Variants in ANKFN1 observed in about 807,000 individuals in gnomAD.
ANKFN1 encodes the protein ankyrin repeat and fibronectin type III domain containing 1, also known as ankyrin repeat and fibronectin type-III domain-containing protein 1.
ANKFN1 carries 74 observed loss-of-function variants against 108.7 expected under a neutral mutation model. The observed-to-expected ratio is 0.68, with a 90% CI of 0.56 to 0.83. ANKFN1 has a LOEUF of 0.83. Ranked by LOEUF, ANKFN1 falls within the 40% of genes least tolerant of loss-of-function variation. ANKFN1 has a pLI of 0.00. For missense variants in ANKFN1, 1,505 were observed against 1,382.3 expected (o/e 1.09, Z -1.41); for synonymous variants, 547 against 516.2 (o/e 1.06, Z -0.81).
chr17:56,510,633 C>A lies in ANKFN1; in HGVS notation c.2805C>A (p.Ser935Arg), dbSNP rs1008044102. 1.4e-5 allele frequency: 22 copies of A among 1,536,058 alleles called. No individual in the cohort carries two copies. Among genetic ancestry groups the A allele is most frequent in the Non-Finnish European group, 1.8e-5 (21 of 1,146,926 alleles). ...AQQTLSGLSG[S>R]APDVLQVHDV... The stretch of plus-strand genomic sequence containing the variant: ...AGACCCTTAGCGGCCTAAGCGGCAG[C>A]GCCCCCGACGTCCTGCAAGTGCACG... Residue 935 changes from serine to arginine, a missense_variant, in exon 21 of 21, where the codon AGC becomes AGA. Ser to Arg is a moderately radical substitution (Grantham distance 110). Coordinates refer to ENST00000682825, the MANE Select transcript of ANKFN1 (RefSeq NM_001370326.1).
chr17:56,050,748 C>T (rs1338573381), intron 4 of ANKFN1, among the ~76,000 whole-genome samples: 4 of 152,074 alleles, frequency 2.6e-5, no homozygotes, highest in Non-Finnish European at 5.9e-5. Context: ...TTCCATTGAT[C>T]TATATCTCTG....
chr17:56,201,090 C>G (rs906636359), intron 1 of ANKFN1, among the ~76,000 whole-genome samples: 1 of 152,134 alleles, frequency 6.6e-6, no homozygotes, highest in Admixed American at 6.5e-5. Context: ...ATGACCACCC[C>G]ATCATGTCAC....
chr17:56,424,252 C>A (rs2048491186), intron 8 of ANKFN1, among the ~76,000 whole-genome samples: 1 of 152,156 alleles, frequency 6.6e-6, no homozygotes, highest in Non-Finnish European at 1.5e-5. Flanking sequence ...AACTTACAAA[C>A]CTGTGTACCT....
chr17:56,368,719 G>T (rs1432473368), intron 6 of ANKFN1, among the ~76,000 whole-genome samples: 1 of 151,990 alleles, frequency 6.6e-6, no homozygotes, highest in Non-Finnish European at 1.5e-5. Flanking sequence ...GTTGAAAAAA[G>T]GTTGTGTAGC....
At chr17:56,315,505 T>C (rs2045177063) in intron 3 of ANKFN1, among the ~76,000 whole-genome samples, 1 of 152,214 alleles carries the variant, frequency 6.6e-6, no homozygotes, top group Non-Finnish European at 1.5e-5. Context: ...GCTGTCCTTT[T>C]AATCCTCTCT....
chr17:56,414,142 AT>A (rs921174101), intron 8 of ANKFN1, among the ~76,000 whole-genome samples: 10 of 151,474 alleles, frequency 6.6e-5, no homozygotes, highest in Admixed American at 1.3e-4. Context: ...ATTGGCCTGA[AT>A]TTTTTTTTGT....
intron 1 of ANKFN1, chr17:56,185,061 C>T (rs1026594083): frequency 2.0e-5 from 3 of 152,084 alleles, no homozygotes; most frequent in Non-Finnish European, 2.9e-5. Flanking sequence ...GTGGAGAATC[C>T]GCCATCTTTG....
intron 8 of ANKFN1, among the ~76,000 whole-genome samples, chr17:56,386,289 G>A (rs540523132): frequency 6.6e-6 from 1 of 152,056 alleles, no homozygotes; most frequent in African/African-American, 2.4e-5. Context: ...CATGGACGCA[G>A]GAAGGGGAAC....
At chr17:56,353,162 G>C (rs1403096669) in intron 5 of ANKFN1, among the ~76,000 whole-genome samples, 2 of 151,964 alleles carry the variant, frequency 1.3e-5, no homozygotes, top group African/African-American at 4.8e-5. Flanking sequence ...GAAGTAATGG[G>C]GTACACTTGG....
intron 11 of ANKFN1, 73 bp downstream of exon 11, chr17:56,449,259 C>G: frequency 9.1e-7 from 1 of 1,103,788 alleles, no homozygotes; most frequent in Non-Finnish European, 1.3e-6. Context: ...AGTTTCCTAA[C>G]TGGGTCATAC....
chr17:56,267,765 G>A (rs1181356064), intron 3 of ANKFN1, among the ~76,000 whole-genome samples: 1 of 152,116 alleles, frequency 6.6e-6, no homozygotes, highest in Non-Finnish European at 1.5e-5. Context: ...GTCTGTTTTT[G>A]TACCAGTATC....
At chr17:56,345,212 G>T (rs748335450) in intron 4 of ANKFN1, among the ~76,000 whole-genome samples, 3 of 152,146 alleles carry the variant, frequency 2.0e-5, no homozygotes, top group Non-Finnish European at 2.9e-5. Context: ...TCCCTGCAAA[G>T]GACATGAGCT....
chr17:56,227,891 A>T (rs1332408148), intron 2 of ANKFN1, 26 bp from the exon 3 acceptor site: 5 of 1,592,168 alleles, frequency 3.1e-6, no homozygotes, highest in Non-Finnish European at 4.3e-6. Context: ...ATTTTTTAAC[A>T]TTCTTTTTTT....
intron 1 of ANKFN1, among the ~76,000 whole-genome samples, chr17:56,181,515 C>T (rs908710049): frequency 1.3e-5 from 2 of 152,220 alleles, no homozygotes; most frequent in Non-Finnish European, 1.5e-5. Flanking sequence ...TAAGATGACA[C>T]GACAATAAGT....
At chr17:56,220,527 G>A (rs946570738) in intron 2 of ANKFN1, among the ~76,000 whole-genome samples, 4 of 151,896 alleles carry the variant, frequency 2.6e-5, no homozygotes, top group African/African-American at 9.7e-5. Flanking sequence ...GGGTGTGGTG[G>A]GGCATGTCTG....
chr17:56,052,968 T>C (rs1488278603), intron 4 of ANKFN1, among the ~76,000 whole-genome samples: 1 of 152,066 alleles, frequency 6.6e-6, no homozygotes, highest in African/African-American at 2.4e-5. Context: ...CGTCAACTCA[T>C]TTAACATGGG....
intron 1 of ANKFN1, among the ~76,000 whole-genome samples, chr17:56,166,920 A>T (rs1910173400): frequency 6.6e-6 from 1 of 152,168 alleles, no homozygotes; most frequent in Non-Finnish European, 1.5e-5. Context: ...TTCAAAGTCC[A>T]GTTCTTCCCA....
chr17:56,350,717 T>C, intron 4 of ANKFN1, 49 bp from the exon 5 acceptor site: 1 of 1,509,260 alleles, frequency 6.6e-7, no homozygotes, highest in Non-Finnish European at 9.2e-7. Context: ...ATATGTCAAC[T>C]TATAATTTGT....
At chr17:56,447,680 C>A (rs555258005) in intron 10 of ANKFN1, among the ~76,000 whole-genome samples, 67 of 152,298 alleles carry the variant, frequency 4.4e-4, no homozygotes, top group African/African-American at 1.5e-3. Context: ...AATGGTGTTT[C>A]CGTCATGAAT....
Sources: gnomAD v4.1 joint callset for allele counts (sites outside exome capture counted in the v4.1 genomes callset) on GRCh38, gnomAD v4.1.1 for gene constraint, MANE v1.5 for transcripts, NCBI Gene and HGNC (gene_info 2026-07-23, HGNC 2026-07-21) for gene names.